CSNK2A2: variants seen among roughly 807,000 people sequenced by gnomAD.
CSNK2A2 encodes casein kinase II subunit alpha'.
Under a neutral mutation model 54.0 loss-of-function variants are expected in CSNK2A2, and 8 were observed. The observed-to-expected ratio is 0.15, with a 90% confidence interval of 0.09 to 0.27. The LOEUF (loss-of-function observed/expected upper bound fraction) is 0.27. CSNK2A2 is among the 10% of genes least tolerant of loss of function. The pLI is 1.00. For synonymous variants in CSNK2A2, 141 were observed against 153.9 expected (o/e 0.92, Z 0.62); for missense variants, 242 against 439.4 (o/e 0.55, Z 4.02).
chr16:58,183,238 G>A (rs1284677750), intron 4 of CSNK2A2, among the ~76,000 whole-genome samples: 1 of 151,856 alleles, frequency 6.6e-6, no homozygotes, highest in Non-Finnish European at 1.5e-5. Flanking sequence ...TTAGCTGGGG[G>A]TAGTAGTGCA....
chr16:58,160,290 ACT>A (rs766211521), intron 11 of CSNK2A2: 45 of 152,006 alleles, frequency 3.0e-4, no homozygotes, highest in African/African-American at 9.9e-4. Context: ...AACGACTGTG[ACT>A]CTGATCGGTT....
intron 6 of CSNK2A2, 92 bp from the exon 7 acceptor site, chr16:58,167,887 T>C (rs1362040770): frequency 1.0e-6 from 1 of 956,502 alleles, no homozygotes; most frequent in Admixed American, 1.9e-5. Flanking sequence ...TAACAATCAT[T>C]TGGCCACACA....
intron 2 of CSNK2A2, among the ~76,000 whole-genome samples, chr16:58,195,039 A>C (rs1962398665): frequency 6.6e-6 from 1 of 152,288 alleles, no homozygotes; most frequent in Non-Finnish European, 1.5e-5. Context: ...ATTCTTCTGA[A>C]TATACAGCAG....
At chr16:58,171,437 T>C (rs533651040) in intron 5 of CSNK2A2, among the ~76,000 whole-genome samples, 2 of 152,100 alleles carry the variant, frequency 1.3e-5, no homozygotes, top group South Asian at 4.2e-4. Flanking sequence ...GCGGGAGAAC[T>C]GCTTGAACCC....
chr16:58,186,317 T>TGG (rs1962191799), intron 3 of CSNK2A2, among the ~76,000 whole-genome samples: 1 of 152,238 alleles, frequency 6.6e-6, no homozygotes, highest in Non-Finnish European at 1.5e-5. Context: ...TCAGTGGAGC[T>TGG]GGGACCTGCT....
chr16:58,197,914 G>T lies in CSNK2A2; in HGVS notation c.-178C>A, dbSNP rs1436519006. On this transcript the variant is annotated 5_prime_UTR_variant, in exon 1 of 12. Transcript: ENST00000262506. The surrounding 1 kb of genome is among the most constrained non-coding windows in gnomAD (Gnocchi z 4.0). ...GCCCGCGGGGGCGGGCGGGCTGGGG[G>T]CGCGGGGGGCGCCGGCCGAGCCGGC... The T allele has an allele frequency of 7.1e-6, 1 of 140,550 alleles. No individual in the cohort carries two copies. Among genetic ancestry groups the T allele is most frequent in the Non-Finnish European group, 1.6e-5 (1 of 63,544 alleles). 8.7% of individuals were successfully genotyped at this position (140,550 alleles called of 1,614,324 possible). A position where few individuals can be genotyped will look rare whatever the true frequency, so the allele number is the denominator to read the frequency against.
intron 2 of CSNK2A2, among the ~76,000 whole-genome samples, chr16:58,193,861 TATTGATTGG>T (rs1483819735): frequency 6.6e-6 from 1 of 152,226 alleles, no homozygotes; most frequent in Non-Finnish European, 1.5e-5. Flanking sequence ...ACAACCTCTC[TATTGATTGG>T]AAAGTTTTAA....
At chr16:58,193,870 G>C (rs1457735793) in intron 2 of CSNK2A2, among the ~76,000 whole-genome samples, 1 of 152,088 alleles carries the variant, frequency 6.6e-6, no homozygotes, top group African/African-American at 2.4e-5. Flanking sequence ...CTATTGATTG[G>C]AAAGTTTTAA....
chr16:58,179,639 A>G (rs1961975656), intron 4 of CSNK2A2, among the ~76,000 whole-genome samples: 1 of 152,226 alleles, frequency 6.6e-6, no homozygotes, highest in Admixed American at 6.5e-5. Context: ...TTCCAAGTAA[A>G]AAGTCTTCGG....
Position 58,164,166 on chromosome 16 carries a change from A to T in CSNK2A2, c.977-19T>A, listed in dbSNP as rs373174556. The T allele has an allele frequency of 5.6e-6, 9 of 1,612,780 alleles. No homozygotes were observed. The African/African-American group carries it at 1.2e-4, about 22-fold the overall frequency. ...ACAGGGTCTGCAAGAAAGCAGGAGG[A>T]AAGTCAGGCAATCAGGGTGGTGAGT... is the stretch of plus-strand genomic sequence containing the variant. On this transcript the variant is annotated intron_variant, in intron 10 of 11. Coordinates refer to ENST00000262506, the MANE Select transcript of CSNK2A2 (RefSeq NM_001896.4).
At position 58,166,683 on chromosome 16, in the gene CSNK2A2, A is replaced by G; in HGVS notation, c.728T>C (p.Leu243Pro). The G allele has an allele frequency of 6.2e-7, 1 of 1,612,092 alleles. No homozygotes were observed. The highest frequency in any genetic ancestry group is 8.5e-7 in the Non-Finnish European group (1 of 1,178,366). ...FFHGQDNYDQ[L>P]VRIAKVLGTE... is the part of the protein sequence containing the mutation. ...ACCCAGAACCTTGGCAATGCGAACA[A>G]GCTGAAACACAAAACAAACTGACCA... Residue 243 changes from leucine to proline, a missense_variant and splice_region_variant, in exon 9 of 12, where the codon CTT (leucine) becomes CCT (proline). Transcript: ENST00000262506.
At chr16:58,165,821 T>A (rs1961546393) in intron 9 of CSNK2A2, 113 bp from the exon 10 acceptor site, 1 of 1,145,188 alleles carries the variant, frequency 8.7e-7, no homozygotes, top group South Asian at 1.7e-5. Context: ...ACAAGCTTGT[T>A]AAATCTCTAA....
intron 5 of CSNK2A2, among the ~76,000 whole-genome samples, chr16:58,170,287 C>T (rs1375431481): frequency 6.6e-6 from 1 of 152,034 alleles, no homozygotes; most frequent in Non-Finnish European, 1.5e-5. Flanking sequence ...CAACCACTGA[C>T]CTGCTATTTG....
At chr16:58,178,048 T>C (rs1387437919) in intron 4 of CSNK2A2, among the ~76,000 whole-genome samples, 1 of 152,172 alleles carries the variant, frequency 6.6e-6, no homozygotes. Flanking sequence ...AAAGTACAAT[T>C]TGTTTCTCCA....
intron 4 of CSNK2A2, among the ~76,000 whole-genome samples, chr16:58,180,825 C>T (rs1962017862): frequency 6.6e-6 from 1 of 152,132 alleles, no homozygotes; most frequent in Non-Finnish European, 1.5e-5. Flanking sequence ...AATCTTAAAA[C>T]CAGTTATTAA....
At chr16:58,183,426 A>C (rs1005704128) in intron 4 of CSNK2A2, among the ~76,000 whole-genome samples, 3 of 151,838 alleles carry the variant, frequency 2.0e-5, no homozygotes, top group African/African-American at 7.3e-5. Flanking sequence ...TTTTACCCAG[A>C]ACCATCCGTC....
intron 11 of CSNK2A2, chr16:58,161,505 A>G (rs530267432): frequency 2.1e-4 from 32 of 152,136 alleles, no homozygotes; most frequent in African/African-American, 7.7e-4. Context: ...ACCATGGTTT[A>G]GTCTAAATAT....
intron 5 of CSNK2A2, among the ~76,000 whole-genome samples, chr16:58,170,556 A>C (rs1034931757): frequency 1.3e-5 from 2 of 152,084 alleles, no homozygotes; most frequent in Non-Finnish European, 2.9e-5. Context: ...GAAACTGCCT[A>C]ATTATCTTCC....
intron 5 of CSNK2A2, among the ~76,000 whole-genome samples, chr16:58,169,687 G>A (rs992121890): frequency 2.2e-4 from 33 of 152,114 alleles, no homozygotes; most frequent in African/African-American, 7.5e-4. Context: ...AGGGTCCCAC[G>A]TGGGTTTTCT....
Sources: allele counts gnomAD v4.1 joint callset (sites outside exome capture counted in the v4.1 genomes callset), GRCh38; gene constraint gnomAD v4.1.1; non-coding constraint Gnocchi (gnomAD v3.1); transcripts MANE v1.5; gene names NCBI Gene and HGNC (gene_info 2026-07-23, HGNC 2026-07-21).